Variants in PIGK observed in about 807,000 individuals in gnomAD.
PIGK encodes GPI-anchor transamidase.
PIGK carries 42 observed loss-of-function variants against 50.6 expected under a neutral mutation model. The ratio of observed to expected loss-of-function variants is 0.83; its 90% CI spans 0.65 to 1.07. PIGK has a LOEUF of 1.07. Ranked by LOEUF, PIGK falls within the 50% of genes least tolerant of loss-of-function variation. PIGK has a pLI of 0.00. For synonymous variants in PIGK, 151 were observed against 156.0 expected (o/e 0.97, Z 0.24); for missense variants, 448 against 488.7 (o/e 0.92, Z 0.78).
intron 3 of PIGK, among the ~76,000 whole-genome samples, chr1:77,169,714 C>A (rs943088175): frequency 1.3e-5 from 2 of 152,058 alleles, no homozygotes; most frequent in Admixed American, 1.3e-4. Context: ...TTTCAAGTTA[C>A]AATGTTTTTC....
At chr1:77,169,168 G>T in intron 4 of PIGK, 92 bp downstream of exon 4, 1 of 820,574 alleles carries the variant, frequency 1.2e-6, no homozygotes, top group Non-Finnish European at 1.8e-6. Context: ...TAAATTTAAA[G>T]AAAAATAATA....
intron 9 of PIGK, among the ~76,000 whole-genome samples, chr1:77,139,108 C>A (rs1398044600): frequency 6.6e-6 from 1 of 152,052 alleles, no homozygotes; most frequent in African/African-American, 2.4e-5. Context: ...GATCCACAGT[C>A]TTTTCTCCTA....
At chr1:77,202,278 AT>A (rs1270385023) in intron 3 of PIGK, among the ~76,000 whole-genome samples, 1 of 152,216 alleles carries the variant, frequency 6.6e-6, no homozygotes, top group African/African-American at 2.4e-5. Flanking sequence ...TGAGAAATAC[AT>A]AGTATAACAT....
intron 10 of PIGK, among the ~76,000 whole-genome samples, chr1:77,118,811 G>C (rs1308866983): frequency 6.6e-6 from 1 of 152,110 alleles, no homozygotes; most frequent in African/African-American, 2.4e-5. Context: ...GTTTGTGATG[G>C]TTAGTACTGA....
chr1:77,107,472 G>A (rs547344289), intron 10 of PIGK, among the ~76,000 whole-genome samples: 1 of 152,262 alleles, frequency 6.6e-6, no homozygotes, highest in South Asian at 2.1e-4. Flanking sequence ...TATAATTTCT[G>A]TTCTTTTACA....
chr1:77,169,823 A>G (rs1339788270), intron 3 of PIGK, among the ~76,000 whole-genome samples: 1 of 152,218 alleles, frequency 6.6e-6, no homozygotes, highest in Non-Finnish European at 1.5e-5. Flanking sequence ...TACATTCTCA[A>G]GACTTACAGA....
intron 10 of PIGK, among the ~76,000 whole-genome samples, chr1:77,108,139 T>G (rs1210746093): frequency 6.6e-6 from 1 of 152,336 alleles, no homozygotes; most frequent in East Asian, 1.9e-4. Flanking sequence ...ACTATGATGT[T>G]AGCTGGTTAT....
chr1:77,110,515 T>C lies in PIGK; in HGVS notation c.1071+11760A>G, dbSNP rs182717964. ...ACAAAAACAAGAACAAGGGAAAGGA[T>C]TCCCTATTTAATAAATGGTGCTGGG... On this transcript the variant is annotated intron_variant, in intron 10 of 10. Coordinates refer to ENST00000370812, the MANE Select transcript of PIGK (RefSeq NM_005482.3). Among the ~76,000 whole-genome samples the C allele has an allele frequency of 7.9e-5, 12 of 152,244 alleles. No homozygotes were observed. In the East Asian group the frequency reaches 2.1e-3, roughly 27 times the overall value.
At chr1:77,112,487 T>C (rs1438921040) in intron 10 of PIGK, among the ~76,000 whole-genome samples, 2 of 152,082 alleles carry the variant, frequency 1.3e-5, no homozygotes, top group Non-Finnish European at 2.9e-5. Flanking sequence ...TGGATTTGAG[T>C]GATGTTAAGA....
intron 10 of PIGK, among the ~76,000 whole-genome samples, chr1:77,121,818 C>G (rs1397031614): frequency 6.6e-6 from 1 of 152,080 alleles, no homozygotes; most frequent in Non-Finnish European, 1.5e-5. Context: ...GAACAAATTG[C>G]CCACATGACA....
rs180795541 is a variant in PIGK at position 77,207,335 on chromosome 1, C to T, written c.148-604G>A. On this transcript the variant is annotated intron_variant, in intron 2 of 10. Transcript: ENST00000370812. ...CAATTTCTGTGACTCAGTAACATTC[C>T]TATTTCTAAAAAATTAAATTCTTTA... 1.1e-4 allele frequency among the ~76,000 whole-genome samples: 17 copies of T among 152,254 alleles called. No homozygotes were observed. The East Asian group carries it at 1.7e-3, about 16-fold the overall frequency.
intron 9 of PIGK, among the ~76,000 whole-genome samples, chr1:77,125,775 A>G (rs1270997630): frequency 6.6e-6 from 1 of 152,154 alleles, no homozygotes; most frequent in Non-Finnish European, 1.5e-5. Context: ...TTTCAAAAAA[A>G]GTTTTATTAT....
chr1:77,206,764 G>A lies in PIGK; in HGVS notation c.148-33C>T, dbSNP rs111882811. 6,446 of 1,255,502 alleles carry A rather than the reference G, an allele frequency of 5.1e-3. 28 individuals carry two copies. Among genetic ancestry groups the A allele is most frequent in the Middle Eastern group, 0.027 (144 of 5,248 alleles). 77.8% of individuals were successfully genotyped at this position (1,255,502 alleles called of 1,614,324 possible). On this transcript the variant is annotated intron_variant, in intron 2 of 10. Transcript: ENST00000370812. ...ATTAAAACAAAAACAGAATTTTTAT[G>A]CATCAAGGCTAACCATGGAGCTGCA...
intron 4 of PIGK, among the ~76,000 whole-genome samples, chr1:77,167,967 T>G (rs1210500557): frequency 3.9e-5 from 6 of 152,064 alleles, no homozygotes; most frequent in African/African-American, 1.4e-4. Context: ...ACAATATACC[T>G]TTGTAACAAA....
At chr1:77,148,009 T>C (rs1373266840) in intron 9 of PIGK, among the ~76,000 whole-genome samples, 1 of 152,218 alleles carries the variant, frequency 6.6e-6, no homozygotes, top group Admixed American at 6.5e-5. Flanking sequence ...AAAATATGAA[T>C]AACTGAATCA....
At chr1:77,216,374 A>G (rs1214258525) in intron 1 of PIGK, among the ~76,000 whole-genome samples, 1 of 152,162 alleles carries the variant, frequency 6.6e-6, no homozygotes, top group Non-Finnish European at 1.5e-5. Flanking sequence ...AAGAATATCA[A>G]TTTTCATTAG....
chr1:77,187,359 C>T (rs1312547038), intron 3 of PIGK, among the ~76,000 whole-genome samples: 1 of 152,198 alleles, frequency 6.6e-6, no homozygotes, highest in Non-Finnish European at 1.5e-5. Flanking sequence ...ATCATCACCC[C>T]TAGTGATCCA....
rs1346493994 is a variant in PIGK at position 77,090,839 on chromosome 1, A to C, written c.*1535T>G. 3.9e-5 allele frequency: 6 copies of C among 152,206 alleles called. No homozygotes were observed. The highest frequency in any genetic ancestry group is 1.3e-4 in the Admixed American group (2 of 15,286). The allele number at this position is 152,206 out of a possible 1,614,324, so 9.4% of individuals were successfully genotyped here. On this transcript the variant is annotated 3_prime_UTR_variant, in exon 11 of 11. Coordinates refer to ENST00000370812, the MANE Select transcript of PIGK (RefSeq NM_005482.3). Reference sequence around the variant, plus strand: ...TCTTCCTCATTTATATAACACATCAATAAAAAGATCAATTAAAATAAAGAT... The same window carrying C: ...TCTTCCTCATTTATATAACACATCACTAAAAAGATCAATTAAAATAAAGAT...
chr1:77,176,076 G>A (rs909441618), intron 3 of PIGK, among the ~76,000 whole-genome samples: 2 of 152,116 alleles, frequency 1.3e-5, no homozygotes, highest in African/African-American at 2.4e-5. Flanking sequence ...CAGATGGTTT[G>A]GAAAGCTAAG....
Sources: gnomAD v4.1 joint callset for allele counts (sites outside exome capture counted in the v4.1 genomes callset) on GRCh38, gnomAD v4.1.1 for gene constraint, MANE v1.5 for transcripts, NCBI Gene and HGNC (gene_info 2026-07-23, HGNC 2026-07-21) for gene names.